The following ZKSCAN7 variants were observed in gnomAD, a reference collection of about 807,000 sequenced individuals.
ZKSCAN7 encodes zinc finger protein with KRAB and SCAN domains 7.
A neutral mutation model predicts 65.3 loss-of-function variants in ZKSCAN7; 38 were observed. The observed-to-expected ratio is 0.58, with a 90% CI of 0.45 to 0.76. The LOEUF (loss-of-function observed/expected upper bound fraction) is 0.76. Ranked by LOEUF, ZKSCAN7 falls within the 30% of genes least tolerant of loss-of-function variation. ZKSCAN7 has a pLI of 0.00. For missense variants in ZKSCAN7, 815 were observed against 913.3 expected (o/e 0.89, Z 1.39); for synonymous variants, 321 against 321.0 (o/e 1.00, Z 0.00).
In ZKSCAN7 at chr3:44,571,013, T is replaced by G; in HGVS notation, c.1903T>G (p.Tyr635Asp). ...GAGACTTCACACGGGTGAAAAGCCC[T>G]ATAAATGCAATGAGTGTGGAAAATC... is the stretch of plus-strand genomic sequence containing the variant. ...HQRLHTGEKP[Y>D]KCNECGKSFN... The change falls in exon 6 of 6, where the codon TAT becomes GAT. Residue 635 changes from tyrosine (Y) to aspartate (D), a missense_variant. Tyr to Asp is a radical substitution (Grantham distance 160). This residue lies in a region of ZKSCAN7 where 578 missense variants were observed against 629.5 expected (regional missense o/e 0.92). Transcript: ENST00000426540. The G allele has an allele frequency of 6.2e-7, 1 of 1,614,214 alleles. No individual in the cohort carries two copies. Among genetic ancestry groups the G allele is most frequent in the Non-Finnish European group, 8.5e-7 (1 of 1,180,048 alleles).
chr3:44,576,259 C>A (rs771737690), downstream of ZKSCAN7, among the ~76,000 whole-genome samples: 4 of 152,140 alleles, frequency 2.6e-5, no homozygotes, highest in Non-Finnish European at 4.4e-5. Context: ...TAATTGACCT[C>A]TTTTTCCATA....
At position 44,555,201 on chromosome 3, in the gene ZKSCAN7, C is replaced by T. The variant is rs2125705113; in HGVS notation, c.-399C>T. ...AAGTCGAGGCCTCTCTCGCTTCCGG[C>T]TCGGCCATTGTTTTTGGTCTAACGG... On this transcript the variant is annotated 5_prime_UTR_variant, in exon 1 of 6. Coordinates refer to ENST00000426540, the MANE Select transcript of ZKSCAN7 (RefSeq NM_001288590.2). 1 of 152,382 alleles carries T rather than the reference C, an allele frequency of 6.6e-6. No homozygotes were observed. Among genetic ancestry groups the T allele is most frequent in the Admixed American group, 6.5e-5 (1 of 15,310 alleles). The allele number at this position is 152,382 out of a possible 1,614,324, so 9.4% of individuals were successfully genotyped here.
chr3:44,581,083 C>A, intron 5 of ZKSCAN7: 2 of 1,125,278 alleles, frequency 1.8e-6, no homozygotes, highest in Admixed American at 1.1e-4. Context: ...TCCCGGCGGG[C>A]TAGGGGCTCA....
chr3:44,582,702 A>T (rs1316334259), intron 5 of ZKSCAN7, among the ~76,000 whole-genome samples: 1 of 152,184 alleles, frequency 6.6e-6, no homozygotes, highest in African/African-American at 2.4e-5. Context: ...TATTTTTAAC[A>T]TATATTCTAG....
At position 44,556,939 on chromosome 3, in the gene ZKSCAN7, C is replaced by A; in HGVS notation, c.-109C>A. Reference sequence around the variant, plus strand: ...ACTCTTGTTTCTGTAGGCCACACTACCATCACCCCTTTCTCCAACCCTGAA... The same window carrying A: ...ACTCTTGTTTCTGTAGGCCACACTAACATCACCCCTTTCTCCAACCCTGAA... On this transcript the variant is annotated 5_prime_UTR_variant, in exon 2 of 6. An upstream open reading frame in the 5' UTR gains an earlier in-frame stop. Transcript: ENST00000426540. 7.0e-7 allele frequency: 1 copy of A among 1,426,044 alleles called. No individual in the cohort carries two copies. The highest frequency in any genetic ancestry group is 9.8e-7 in the Non-Finnish European group (1 of 1,024,270). The allele number at this position is 1,426,044 out of a possible 1,614,324, so 88.3% of individuals were successfully genotyped here.
Position 44,571,003 on chromosome 3 carries a change from T to C in ZKSCAN7, c.1893T>C (p.Gly631=). 1 of 1,614,098 alleles carries C rather than the reference T, an allele frequency of 6.2e-7. No homozygotes were observed. Among genetic ancestry groups the C allele is most frequent in the Non-Finnish European group, 8.5e-7 (1 of 1,180,006 alleles). The change falls in exon 6 of 6, where the codon GGT becomes GGC. Residue 631 remains glycine, a synonymous_variant. Coordinates refer to ENST00000426540, the MANE Select transcript of ZKSCAN7 (RefSeq NM_001288590.2). ...CLIRHQRLHT[G]EKPYKCNECG... Reference sequence around the variant, plus strand: ...TTCGGCACCAGAGACTTCACACGGGTGAAAAGCCCTATAAATGCAATGAGT... The same window carrying C: ...TTCGGCACCAGAGACTTCACACGGGCGAAAAGCCCTATAAATGCAATGAGT...
intron 5 of ZKSCAN7, among the ~76,000 whole-genome samples, chr3:44,577,737 C>T (rs1699950609): frequency 6.6e-6 from 1 of 152,190 alleles, no homozygotes. Flanking sequence ...TTGATGAAGA[C>T]AACAGGAAGT....
chr3:44,557,430 T>C lies in ZKSCAN7; in HGVS notation c.383T>C (p.Val128Ala). 3.1e-6 allele frequency: 5 copies of C among 1,614,144 alleles called. No homozygotes were observed. The highest frequency in any genetic ancestry group is 4.2e-6 in the Non-Finnish European group (5 of 1,180,010). The change falls in exon 2 of 6, where the codon GTG (valine) becomes GCG (alanine). Residue 128 changes from valine to alanine, a missense_variant. Physicochemically the swap from Val to Ala is moderately conservative, Grantham distance 64 (BLOSUM62 0). Transcript: ENST00000426540. ...HPESGEEAVA[V>A]VEDFQRHLSG... ...GAGAGTGGTGAGGAGGCTGTGGCTGTGGTGGAGGATTTCCAGAGACACCTC... is the reference window on the plus strand; with the variant it reads ...GAGAGTGGTGAGGAGGCTGTGGCTGCGGTGGAGGATTTCCAGAGACACCTC...
At chr3:44,565,708 G>A in intron 3 of ZKSCAN7, 53 bp downstream of exon 3, 1 of 1,473,214 alleles carries the variant, frequency 6.8e-7, no homozygotes, top group Non-Finnish European at 9.0e-7. Flanking sequence ...CTCTCCTCTG[G>A]AGTCTCCTTT....
chr3:44,556,752 C>T (rs1699306347), intron 1 of ZKSCAN7, among the ~76,000 whole-genome samples, 178 bp from the exon 2 acceptor site: 1 of 152,154 alleles, frequency 6.6e-6, no homozygotes, highest in African/African-American at 2.4e-5. Context: ...TAGATTTTAT[C>T]CTGTAGGTAA....
chr3:44,558,047 A>G (rs1235790280), intron 2 of ZKSCAN7, among the ~76,000 whole-genome samples: 1 of 152,194 alleles, frequency 6.6e-6, no homozygotes, highest in African/African-American at 2.4e-5. Flanking sequence ...CTAGAGGAAT[A>G]GTTGGGAAGA....
At position 44,578,387 on chromosome 3, in the gene ZKSCAN7, TC is replaced by T. The variant is rs902434602; in HGVS notation, c.812-4581del. The T allele has an allele frequency of 3.6e-5, 58 of 1,613,680 alleles. No individual in the cohort carries two copies. The Middle Eastern group carries it at 5.0e-4, about 14-fold the overall frequency. On this transcript the variant is annotated intron_variant, in intron 5 of 5. Transcript: ENST00000341840. ...TGACCCAGTGGCCTCCCCACCGCCG[TC>T]CCCAGTCAGCAGCGTCCGCAACCGT...
rs771717497 is a variant in ZKSCAN7 at position 44,557,038 on chromosome 3, T to TG, written c.-6dup. 1.2e-6 allele frequency: 2 copies of TG among 1,614,070 alleles called. No homozygotes were observed. Among genetic ancestry groups the TG allele is most frequent in the Non-Finnish European group, 1.7e-6 (2 of 1,179,994 alleles). ...ACTGCAGCTGTAACAAGCTTCTCTTTGGGGTCACAATGACCACTGCAGGCA... is the reference window on the plus strand; with the variant it reads ...ACTGCAGCTGTAACAAGCTTCTCTTTGGGGGTCACAATGACCACTGCAGGCA... On this transcript the variant is annotated 5_prime_UTR_variant, in exon 2 of 6. Transcript: ENST00000426540.
In ZKSCAN7 at chr3:44,571,156, G is replaced by A. The variant is rs1699795752; in HGVS notation, c.2046G>A (p.Gln682=). ...ATAGCTCCAGCCTTATGGTACATCA[G>A]AGAACCCATACTGGGGAAAAACCCT... is the stretch of plus-strand genomic sequence containing the variant. ...FSYSSSLMVH[Q]RTHTGEKPYK... is the part of the protein sequence containing the mutation. Residue 682 remains glutamine (Q), a synonymous_variant, in exon 6 of 6, where the codon CAG becomes CAA. Transcript: ENST00000426540. The A allele has an allele frequency of 6.2e-7, 1 of 1,614,090 alleles. No individual in the cohort carries two copies. Among genetic ancestry groups the A allele is most frequent in the African/African-American group, 1.3e-5 (1 of 74,920 alleles).
chr3:44,562,337 C>G (rs2125713037), intron 2 of ZKSCAN7, among the ~76,000 whole-genome samples: 1 of 152,294 alleles, frequency 6.6e-6, no homozygotes, highest in Non-Finnish European at 1.5e-5. Context: ...CAGCTAGGCC[C>G]TGGGCCTAGC....
At chr3:44,558,759 G>A (rs952532811) in intron 2 of ZKSCAN7, among the ~76,000 whole-genome samples, 18 of 127,706 alleles carry the variant, frequency 1.4e-4, no homozygotes, top group African/African-American at 3.3e-4. Flanking sequence ...TTTCTTCCTC[G>A]TCTGCTTTCT....
chr3:44,561,924 G>A (rs1699486138), intron 2 of ZKSCAN7, among the ~76,000 whole-genome samples: 2 of 152,220 alleles, frequency 1.3e-5, no homozygotes, highest in Admixed American at 1.3e-4. Flanking sequence ...GGCACATGGT[G>A]CAAGCTGCTT....
intron 5 of ZKSCAN7, 52 bp downstream of exon 5, chr3:44,568,485 T>G (rs1009278424): frequency 1.3e-6 from 2 of 1,581,460 alleles, no homozygotes; most frequent in African/African-American, 2.7e-5. Flanking sequence ...CACAATCTCT[T>G]TTCTATATTC....
chr3:44,567,726 G>A (rs1056022315), intron 3 of ZKSCAN7, among the ~76,000 whole-genome samples, 186 bp from the exon 4 acceptor site: 3 of 151,726 alleles, frequency 2.0e-5, no homozygotes, highest in South Asian at 2.1e-4. Context: ...AGCTTGATCC[G>A]GGACCTTGTA....
Sources: gnomAD v4.1 joint callset for allele counts (sites outside exome capture counted in the v4.1 genomes callset) on GRCh38, gnomAD v4.1.1 for gene constraint, gnomAD v4.1.1 regional missense constraint, MANE v1.5 for transcripts, NCBI Gene and HGNC (gene_info 2026-07-23, HGNC 2026-07-21) for gene names.